Variants in KATNIP observed in about 807,000 individuals in gnomAD.
The protein encoded by KATNIP is katanin-interacting protein.
A neutral mutation model predicts 174.0 loss-of-function variants in KATNIP; 126 were observed. That is an observed-to-expected ratio of 0.72 (90% CI 0.63 to 0.84). The LOEUF is 0.84. Among genes scored for constraint, KATNIP ranks in the 40% least tolerant of loss-of-function variants. The pLI is 0.00. For missense variants in KATNIP, 1,958 were observed against 2,109.7 expected (o/e 0.93, Z 1.41); for synonymous variants, 810 against 835.7 (o/e 0.97, Z 0.53).
chr16:27,660,841 A>C (rs548893769), intron 6 of KATNIP, among the ~76,000 whole-genome samples: 24 of 152,228 alleles, frequency 1.6e-4, no homozygotes, highest in African/African-American at 5.3e-4. Context: ...TTAGGGCCTC[A>C]AACACCTTCC....
At chr16:27,674,175 CA>C (rs2078023418) in intron 6 of KATNIP, among the ~76,000 whole-genome samples, 1 of 152,174 alleles carries the variant, frequency 6.6e-6, no homozygotes, top group African/African-American at 2.4e-5. Context: ...TACTTGGTAT[CA>C]AGGGATGAAA....
At chr16:27,619,611 T>C (rs2142071268) in intron 3 of KATNIP, among the ~76,000 whole-genome samples, 1 of 152,218 alleles carries the variant, frequency 6.6e-6, no homozygotes, top group African/African-American at 2.4e-5. Context: ...GGGACAAGTT[T>C]TTGTAATCTC....
chr16:27,713,822 A>ATGTGTGTGTGTGTGTGTG (rs1261504841), intron 13 of KATNIP, among the ~76,000 whole-genome samples: 9 of 40,760 alleles, frequency 2.2e-4, no homozygotes, highest in Non-Finnish European at 3.1e-4. Flanking sequence ...ATATATATAT[A>ATGTGTGTGTGTGTGTGTG]TATATATATA....
rs1318480767 is a variant in KATNIP at position 27,740,422 on chromosome 16, G to A, written c.2125G>A (p.Gly709Ser). The A allele has an allele frequency of 6.2e-7, 1 of 1,613,872 alleles. No individual in the cohort carries two copies. The highest frequency in any genetic ancestry group is 1.7e-5 in the Admixed American group (1 of 60,004). The change falls in exon 15 of 28, where the codon GGT becomes AGT. Residue 709 changes from glycine to serine, a missense_variant. Around this residue, in one of 3 missense-constraint regions of KATNIP, gnomAD observed 1,557 missense variants for 1,617.8 expected, o/e 0.96. Coordinates refer to ENST00000261588, the MANE Select transcript of KATNIP (RefSeq NM_015202.5). ...ACTGTCGGCAGTCCCCACTTCGATG[G>A]GTGACATGCCCAGTGCTCCTGCCAC... The part of the protein sequence containing the change: ...LRLSAVPTSM[G>S]DMPSAPATSP...
chr16:27,639,728 C>T (rs2142244101), intron 5 of KATNIP, among the ~76,000 whole-genome samples: 1 of 152,348 alleles, frequency 6.6e-6, no homozygotes, highest in South Asian at 2.1e-4. Flanking sequence ...GGCCCTGTCT[C>T]TTGTTATCTT....
intron 6 of KATNIP, among the ~76,000 whole-genome samples, chr16:27,673,540 T>C (rs989329904): frequency 2.0e-5 from 3 of 152,218 alleles, no homozygotes; most frequent in Non-Finnish European, 4.4e-5. Flanking sequence ...CTTGCTTTAA[T>C]CGTTTCTCAG....
Position 27,750,154 on chromosome 16 carries a change from C to T in KATNIP, c.3194C>T (p.Thr1065Met), listed in dbSNP as rs747780869. 6.2e-6 allele frequency: 10 copies of T among 1,614,154 alleles called. No homozygotes were observed. The highest frequency in any genetic ancestry group is 1.7e-5 in the Admixed American group (1 of 60,020). The change falls in exon 16 of 28, where the codon ACG becomes ATG. Residue 1065 changes from threonine (T) to methionine (M), a missense_variant. Coordinates refer to ENST00000261588, the MANE Select transcript of KATNIP (RefSeq NM_015202.5). ...GRSHSITIDF[T>M]HPCHVALIRI... ...TCCCACTCCATCACCATTGACTTCA[C>T]GCACCCTTGCCACGTTGCCCTGATC...
chr16:27,710,754 C>A (rs1045036618), intron 13 of KATNIP, among the ~76,000 whole-genome samples: 1 of 152,176 alleles, frequency 6.6e-6, no homozygotes, highest in Non-Finnish European at 1.5e-5. Context: ...CCACCTTGGC[C>A]TCCCAAAGTG....
chr16:27,776,963 C>T lies in KATNIP; in HGVS notation c.4485C>T (p.Thr1495=), dbSNP rs1444857531. 2 of 1,613,774 alleles carry T rather than the reference C, an allele frequency of 1.2e-6. No individual in the cohort carries two copies. The highest frequency in any genetic ancestry group is 3.3e-5 in the Admixed American group (2 of 60,010). ...NRVYVIFDLP[T]TVSMIKLWNY... ...TTTATGTGATTTTCGATCTGCCTAC[C>T]ACCGTGTCAATGATCAAACTGTGGA... The change falls in exon 25 of 28, where the codon ACC becomes ACT. Residue 1495 remains threonine (T), a synonymous_variant. Coordinates refer to ENST00000261588, the MANE Select transcript of KATNIP (RefSeq NM_015202.5). This position sits in a 1 kb window ranked among gnomAD's most constrained non-coding sequence, Gnocchi z 4.7.
At chr16:27,621,645 C>T (rs909337842) in intron 3 of KATNIP, among the ~76,000 whole-genome samples, 1 of 151,878 alleles carries the variant, frequency 6.6e-6, no homozygotes, top group African/African-American at 2.4e-5. Context: ...GTTTCATTGG[C>T]TCACGATTCT....
At chr16:27,598,226 A>G (rs1209167843) in intron 2 of KATNIP, among the ~76,000 whole-genome samples, 1 of 140,482 alleles carries the variant, frequency 7.1e-6, no homozygotes, top group Non-Finnish European at 1.5e-5. Flanking sequence ...CCTGGGCGAC[A>G]GAGCAAGACT....
chr16:27,683,364 G>T (rs2078415253), intron 8 of KATNIP, among the ~76,000 whole-genome samples: 1 of 152,212 alleles, frequency 6.6e-6, no homozygotes, highest in South Asian at 2.1e-4. Context: ...AGTTCTCGAG[G>T]CTGGAAGTCT....
chr16:27,736,523 CAGA>C (rs1295908997), intron 14 of KATNIP, among the ~76,000 whole-genome samples: 1 of 152,202 alleles, frequency 6.6e-6, no homozygotes, highest in African/African-American at 2.4e-5. Flanking sequence ...AGGTCCTGAA[CAGA>C]AGAAGGAGCA....
chr16:27,657,952 T>C (rs1390689675), intron 6 of KATNIP, among the ~76,000 whole-genome samples: 1 of 152,132 alleles, frequency 6.6e-6, no homozygotes, highest in Non-Finnish European at 1.5e-5. Flanking sequence ...ATTGTATCAA[T>C]GTAGTTTCCC....
intron 1 of KATNIP, among the ~76,000 whole-genome samples, chr16:27,566,040 T>A (rs1188000057): frequency 1.3e-5 from 2 of 149,522 alleles, no homozygotes; most frequent in Non-Finnish European, 1.5e-5. Context: ...TTTTTTTTTT[T>A]AAGAGATGGA....
At chr16:27,576,952 A>G (rs1045642625) in intron 2 of KATNIP, among the ~76,000 whole-genome samples, 2 of 151,910 alleles carry the variant, frequency 1.3e-5, no homozygotes, top group African/African-American at 2.4e-5. Flanking sequence ...TGGCCAGTGC[A>G]CTCCCTGGAG....
At chr16:27,607,683 C>T (rs1231885381) in intron 2 of KATNIP, among the ~76,000 whole-genome samples, 4 of 151,264 alleles carry the variant, frequency 2.6e-5, no homozygotes, top group Non-Finnish European at 4.4e-5. Flanking sequence ...CCACAACCTC[C>T]GTCTCCCAGG....
Position 27,668,675 on chromosome 16 carries a change from G to A in KATNIP, c.541-9054G>A, listed in dbSNP as rs557903278. Among the ~76,000 whole-genome samples the A allele has an allele frequency of 6.7e-4, 102 of 152,332 alleles. 1 individual carries two copies. The highest frequency in any genetic ancestry group is 2.4e-3 in the African/African-American group (99 of 41,584). On this transcript the variant is annotated intron_variant, in intron 6 of 27. Transcript: ENST00000261588. ...CTTAAGTCCTCCAGGCCTGTAAGAT[G>A]AGGAGACCTACTGCACTGGCGTGTT...
intron 2 of KATNIP, among the ~76,000 whole-genome samples, chr16:27,615,682 A>G (rs1477492395): frequency 1.3e-5 from 2 of 152,060 alleles, no homozygotes; most frequent in African/African-American, 4.8e-5. Context: ...GATTATCATG[A>G]GGATGAGAGA....
Sources: allele counts gnomAD v4.1 joint callset (sites outside exome capture counted in the v4.1 genomes callset), GRCh38; gene constraint gnomAD v4.1.1; regional missense constraint gnomAD v4.1.1; non-coding constraint Gnocchi (gnomAD v3.1); transcripts MANE v1.5; gene names NCBI Gene and HGNC (gene_info 2026-07-23, HGNC 2026-07-21).